MAGI2: variants seen among roughly 807,000 people sequenced by gnomAD.
MAGI2 encodes membrane associated guanylate kinase, WW and PDZ domain containing 2.
MAGI2 carries 35 observed loss-of-function variants against 133.3 expected under a neutral mutation model. That is an observed-to-expected ratio of 0.26 (90% CI 0.20 to 0.35). The LOEUF (loss-of-function observed/expected upper bound fraction) is 0.35. Among genes scored for constraint, MAGI2 ranks in the 10% least tolerant of loss-of-function variants. MAGI2 has a pLI of 1.00. For missense variants in MAGI2, 1,636 were observed against 1,863.4 expected (o/e 0.88, Z 2.25); for synonymous variants, 729 against 710.6 (o/e 1.03, Z -0.41).
At chr7:78,514,595 C>T (rs1275664723) in intron 4 of MAGI2, among the ~76,000 whole-genome samples, 2 of 152,164 alleles carry the variant, frequency 1.3e-5, no homozygotes, top group Non-Finnish European at 2.9e-5. Flanking sequence ...GGTAGATACA[C>T]AAATCGCAGT....
intron 12 of MAGI2, among the ~76,000 whole-genome samples, chr7:78,186,285 C>T (rs1827690022): frequency 6.6e-6 from 1 of 151,996 alleles, no homozygotes; most frequent in Non-Finnish European, 1.5e-5. Context: ...TGTAAAACAC[C>T]TTTAAAATGT....
Position 78,699,722 on chromosome 7 carries a change from T to A in MAGI2, c.419-72483A>T, listed in dbSNP as rs993842844. ...TTCCTCATATAACATTAAGTCAGTA[T>A]CTTGTGGCTTGTTTTTATAATCATA... is the stretch of plus-strand genomic sequence containing the variant. On this transcript the variant is annotated intron_variant, in intron 2 of 21. Coordinates refer to ENST00000354212, the MANE Select transcript of MAGI2 (RefSeq NM_012301.4). Among the ~76,000 whole-genome samples the A allele has an allele frequency of 2.0e-5, 3 of 152,188 alleles. No homozygotes were observed. In the East Asian group the frequency reaches 5.8e-4, roughly 29 times the overall value.
At chr7:78,026,658 G>A (rs1808946546) in intron 21 of MAGI2, among the ~76,000 whole-genome samples, 1 of 152,192 alleles carries the variant, frequency 6.6e-6, no homozygotes, top group Admixed American at 6.5e-5. Context: ...GGCAATGGTG[G>A]GGTTCGGGTG....
chr7:79,382,930 T>C (rs553735684), intron 1 of MAGI2, among the ~76,000 whole-genome samples: 1 of 151,736 alleles, frequency 6.6e-6, no homozygotes, highest in African/African-American at 2.4e-5. Flanking sequence ...CAAATCTTTG[T>C]AGTTTGCTAA....
At chr7:78,163,124 AGTTTAGTTT>A (rs1486839946) in intron 15 of MAGI2, among the ~76,000 whole-genome samples, 1 of 151,954 alleles carries the variant, frequency 6.6e-6, no homozygotes, top group African/African-American at 2.4e-5. Context: ...TCAAATAATT[AGTTTAGTTT>A]GTTTGTTTGT....
At chr7:78,755,188 ATGATCCTGAGCT>A (rs1236681219) in intron 2 of MAGI2, among the ~76,000 whole-genome samples, 1 of 152,222 alleles carries the variant, frequency 6.6e-6, no homozygotes, top group African/African-American at 2.4e-5. Context: ...GAGACACTAA[ATGATCCTGAGCT>A]CAAGAATAAC....
intron 1 of MAGI2, among the ~76,000 whole-genome samples, chr7:79,429,937 T>G (rs1040455371): frequency 6.6e-6 from 1 of 152,060 alleles, no homozygotes; most frequent in Non-Finnish European, 1.5e-5. Context: ...TTCCAGTCAC[T>G]TAAAAGCTTT....
chr7:79,197,321 C>A (rs544297077), intron 1 of MAGI2, among the ~76,000 whole-genome samples: 1 of 151,940 alleles, frequency 6.6e-6, no homozygotes, highest in African/African-American at 2.4e-5. Flanking sequence ...AAATAAAAAA[C>A]CCGTGAAATG....
chr7:78,349,013 C>T (rs1791211285), intron 7 of MAGI2, among the ~76,000 whole-genome samples: 2 of 152,164 alleles, frequency 1.3e-5, no homozygotes, highest in Admixed American at 6.5e-5. Context: ...GTCTTATTGA[C>T]ATTCCTTTCC....
chr7:78,049,224 T>C (rs1419135013), intron 21 of MAGI2, among the ~76,000 whole-genome samples: 1 of 152,136 alleles, frequency 6.6e-6, no homozygotes, highest in African/African-American at 2.4e-5. Context: ...AGAGACATTG[T>C]GAAATAAAAG....
chr7:78,139,024 A>G (rs1345938057), intron 16 of MAGI2, among the ~76,000 whole-genome samples: 1 of 152,252 alleles, frequency 6.6e-6, no homozygotes, highest in African/African-American at 2.4e-5. Context: ...GCTCATGGTA[A>G]TAACTTAGTT....
Position 78,168,005 on chromosome 7 carries a change from T to C in MAGI2, c.2507A>G (p.Lys836Arg). 1 of 1,614,110 alleles carries C rather than the reference T, an allele frequency of 6.2e-7. No individual in the cohort carries two copies. Among genetic ancestry groups the C allele is most frequent in the Non-Finnish European group, 8.5e-7 (1 of 1,180,024 alleles). Residue 836 changes from lysine (K) to arginine (R), a missense_variant, in exon 15 of 22, where the codon AAA (lysine) becomes AGA (arginine). Physicochemically the swap from Lys to Arg is conservative, Grantham distance 26. This residue lies in a region of MAGI2 where 920 missense variants were observed against 1,093.5 expected (regional missense o/e 0.84). Transcript: ENST00000354212. ...VYVDGIPVAG[K>R]THRYVIDLMH... ...GAGGTCGATGACATAGCGGTGGGTT[T>C]TGCCGGCTACTGGAATCCCATCAAC...
rs1382380446 is a variant in MAGI2 at position 78,868,152 on chromosome 7, A to G, written c.418+138938T>C. On this transcript the variant is annotated intron_variant, in intron 2 of 21. Transcript: ENST00000354212. ...CGACAATGGAAAGTAAACTATAAATATAAAGAATGCATAATATGTTAAAAC... is the reference window on the plus strand; with the variant it reads ...CGACAATGGAAAGTAAACTATAAATGTAAAGAATGCATAATATGTTAAAAC... Among the ~76,000 whole-genome samples the G allele has an allele frequency of 3.3e-5, 5 of 152,334 alleles. No homozygotes were observed. The East Asian group carries it at 9.6e-4, about 29-fold the overall frequency.
chr7:78,224,739 G>A (rs1240056582), intron 10 of MAGI2, among the ~76,000 whole-genome samples: 1 of 149,442 alleles, frequency 6.7e-6, no homozygotes, highest in Non-Finnish European at 1.5e-5. Context: ...TTTTGTTTTG[G>A]AGGAAGTGTA....
chr7:79,055,332 G>C (rs1315590903), intron 1 of MAGI2, among the ~76,000 whole-genome samples: 1 of 151,610 alleles, frequency 6.6e-6, no homozygotes, highest in Non-Finnish European at 1.5e-5. Flanking sequence ...GGCAGTAACT[G>C]TGTCTGGCGC....
At chr7:78,636,349 G>A (rs1467001148) in intron 2 of MAGI2, among the ~76,000 whole-genome samples, 1 of 134,030 alleles carries the variant, frequency 7.5e-6, no homozygotes, top group East Asian at 2.2e-4. Flanking sequence ...TCCAAAAACA[G>A]GCTTTTTTTT....
At chr7:79,097,796 T>C (rs1817642925) in intron 1 of MAGI2, among the ~76,000 whole-genome samples, 1 of 152,182 alleles carries the variant, frequency 6.6e-6, no homozygotes, top group African/African-American at 2.4e-5. Context: ...GCAGAAATGT[T>C]ACATGACCAC....
chr7:78,536,779 GAGAC>G (rs1797983983), intron 3 of MAGI2, among the ~76,000 whole-genome samples: 1 of 135,638 alleles, frequency 7.4e-6, no homozygotes, highest in African/African-American at 2.7e-5. Context: ...TTTTTTTCTG[GAGAC>G]AGAGTCTTGC....
chr7:78,083,285 T>G (rs996966878), intron 20 of MAGI2, among the ~76,000 whole-genome samples: 2 of 150,456 alleles, frequency 1.3e-5, no homozygotes, highest in Non-Finnish European at 3.0e-5. Context: ...TTCTAAGATC[T>G]CCACTCATTC....
Sources: allele counts gnomAD v4.1 joint callset (sites outside exome capture counted in the v4.1 genomes callset), GRCh38; gene constraint gnomAD v4.1.1; regional missense constraint gnomAD v4.1.1; transcripts MANE v1.5; gene names NCBI Gene and HGNC (gene_info 2026-07-23, HGNC 2026-07-21).